The following REPS2 variants were observed in gnomAD, a reference collection of about 807,000 sequenced individuals.
The protein encoded by REPS2 is ralBP1-associated Eps domain-containing protein 2.
Under a neutral mutation model 53.6 loss-of-function variants are expected in REPS2, and 23 were observed. The observed-to-expected ratio is 0.43, with a 90% confidence interval of 0.31 to 0.61. The LOEUF (loss-of-function observed/expected upper bound fraction) is 0.61. Among genes scored for constraint, REPS2 ranks in the 20% least tolerant of loss-of-function variants. REPS2 has a pLI of 0.11. For missense variants in REPS2, 446 were observed against 534.9 expected, an observed-to-expected ratio of 0.83 and a Z score of 1.64; for synonymous variants, 238 against 218.6, an observed-to-expected ratio of 1.09 and a Z score of -0.78.
chrX:17,051,726 A>G (rs1052821980), intron 6 of REPS2, among the ~76,000 whole-genome samples: 6 of 112,421 alleles, frequency 5.3e-5, no homozygotes, highest in African/African-American at 9.7e-5. Context: ...TTGCTAGATC[A>G]AACTGTACTG....
At chrX:16,989,702 C>T (rs762737244) in intron 1 of REPS2, among the ~76,000 whole-genome samples, 4 of 112,233 alleles carry the variant, frequency 3.6e-5, no homozygotes, top group Non-Finnish European at 7.5e-5. Flanking sequence ...TAATTAGCCA[C>T]TAGGGAAATG....
intron 5 of REPS2, among the ~76,000 whole-genome samples, chrX:17,045,228 G>T (rs1201876929): frequency 1.8e-5 from 2 of 108,609 alleles, no homozygotes; most frequent in Non-Finnish European, 3.9e-5. Context: ...CCACTGCTCT[G>T]GGCCTGTTTA....
At chrX:17,173,767 C>T in the REPS2 span, among the ~76,000 whole-genome samples, 1 of 112,040 alleles carries the variant, frequency 8.9e-6, no homozygotes, top group African/African-American at 3.2e-5. Context: ...GCAGTGATCA[C>T]CCTATTACCC....
At chrX:17,184,424 A>T in the REPS2 span, among the ~76,000 whole-genome samples, 1 of 104,687 alleles carries the variant, frequency 9.6e-6, no homozygotes, top group Non-Finnish European at 2.0e-5. Flanking sequence ...AATCCAGTCT[A>T]TCATTGTTGG....
chrX:17,017,993 A>G (rs773882356), intron 2 of REPS2, among the ~76,000 whole-genome samples: 1 of 111,620 alleles, frequency 9.0e-6, no homozygotes, highest in East Asian at 2.8e-4. Flanking sequence ...TTTTGCCATT[A>G]AAAATGTTTT....
chrX:17,134,946 A>G (rs1357474992), intron 15 of REPS2, among the ~76,000 whole-genome samples: 1 of 111,347 alleles, frequency 9.0e-6, no homozygotes, highest in African/African-American at 3.3e-5. Context: ...AAAGGCTTCA[A>G]AGTGAGGCAG....
chrX:17,099,644 G>C (rs964744980), intron 13 of REPS2: 1 of 410,271 alleles, frequency 2.4e-6, no homozygotes, highest in African/African-American at 2.5e-5. Flanking sequence ...CTGCTGCAGG[G>C]CACAGAAACG....
intron 14 of REPS2, among the ~76,000 whole-genome samples, chrX:17,117,089 C>T (rs1362846534): frequency 1.8e-5 from 2 of 111,020 alleles, no homozygotes; most frequent in African/African-American, 6.5e-5. Flanking sequence ...GTGCTTAGCC[C>T]AGAACCAGGC....
chrX:17,188,600 A>C, the REPS2 span, among the ~76,000 whole-genome samples: 1 of 112,405 alleles, frequency 8.9e-6, no homozygotes, highest in Non-Finnish European at 1.9e-5. Flanking sequence ...GAGGAAAGGA[A>C]AATGCTGACC....
rs1423088190 is a variant in REPS2, at chrX:16,981,050, A to G, written c.274-25171A>G. ...ATGGAAGAAGAAAAGGCATTCAGGT[A>G]TATGACAGGTTGCATTCTGTAGAAC... On this transcript the variant is annotated intron_variant, in intron 1 of 17. Coordinates refer to ENST00000357277, the MANE Select transcript of REPS2 (RefSeq NM_004726.3). 1.1e-4 allele frequency among the ~76,000 whole-genome samples: 12 copies of G among 112,588 alleles called. No individual in the cohort carries two copies. The Admixed American group carries it at 1.1e-3, about 11-fold the overall frequency.
chrX:16,971,607 A>G (rs1235984103), intron 1 of REPS2, among the ~76,000 whole-genome samples: 7 of 112,239 alleles, frequency 6.2e-5, no homozygotes, highest in Non-Finnish European at 7.5e-5. Context: ...ATCCAAGATC[A>G]CAAAGATTTC....
intron 2 of REPS2, among the ~76,000 whole-genome samples, chrX:17,019,039 T>C (rs1009782946): frequency 9.9e-5 from 11 of 110,954 alleles, no homozygotes; most frequent in African/African-American, 3.6e-4. Context: ...ACTGCTGGGC[T>C]CAAGTGATCC....
chrX:17,074,230 C>T lies in REPS2; in HGVS notation c.1379+71C>T. 9 of 968,431 alleles carry T rather than the reference C, an allele frequency of 9.3e-6. No individual in the cohort carries two copies. The South Asian group carries it at 1.7e-4, about 18-fold the overall frequency. The allele number at this position is 968,431 out of a possible 1,213,427, so 79.8% of individuals were successfully genotyped here. A position where few individuals can be genotyped will look rare whatever the true frequency, so the allele number is the denominator to read the frequency against. On this transcript the variant is annotated intron_variant, in intron 12 of 17. Transcript: ENST00000357277. Reference sequence around the variant, plus strand: ...CCTGCCTAGAAATAAGAACCACAAACCAAAACCCAACCCATGATTTCCTCT... The same window carrying T: ...CCTGCCTAGAAATAAGAACCACAAATCAAAACCCAACCCATGATTTCCTCT...
At chrX:17,139,752 A>G (rs2063418724) in intron 17 of REPS2, among the ~76,000 whole-genome samples, 1 of 109,537 alleles carries the variant, frequency 9.1e-6, no homozygotes, top group South Asian at 4.1e-4. Context: ...CGTCACTCCA[A>G]TCTCTGCCTC....
chrX:17,048,423 C>T (rs938480494), intron 6 of REPS2, among the ~76,000 whole-genome samples: 13 of 112,401 alleles, frequency 1.2e-4, no homozygotes, highest in African/African-American at 4.2e-4. Flanking sequence ...AACCTTACCC[C>T]GTGCTCAGGT....
intron 1 of REPS2, among the ~76,000 whole-genome samples, chrX:16,987,001 C>T (rs1168231107): frequency 9.2e-6 from 1 of 108,677 alleles, no homozygotes; most frequent in Admixed American, 9.8e-5. Context: ...CCACGATCTC[C>T]TGGGTCCAAA....
the REPS2 span, among the ~76,000 whole-genome samples, chrX:17,171,892 G>A: frequency 9.0e-6 from 1 of 110,744 alleles, no homozygotes; most frequent in African/African-American, 3.3e-5. Flanking sequence ...AATAATACTG[G>A]GACTGAAATA....
intron 14 of REPS2, among the ~76,000 whole-genome samples, chrX:17,114,969 T>C (rs1010507521): frequency 3.6e-5 from 4 of 112,332 alleles, no homozygotes; most frequent in Non-Finnish European, 7.5e-5. Flanking sequence ...TGCAGCTTTG[T>C]CTTTCCTCTG....
the REPS2 span, among the ~76,000 whole-genome samples, chrX:17,172,415 CTCTT>C: frequency 8.9e-6 from 1 of 111,816 alleles, no homozygotes; most frequent in Non-Finnish European, 1.9e-5. Flanking sequence ...CCCCTTCACT[CTCTT>C]TCTCCTGCTC....
Sources: gnomAD v4.1 joint callset for allele counts (sites outside exome capture counted in the v4.1 genomes callset) on GRCh38, gnomAD v4.1.1 for gene constraint, MANE v1.5 for transcripts, NCBI Gene and HGNC (gene_info 2026-07-23, HGNC 2026-07-21) for gene names.